ATP12A: variants seen among roughly 807,000 people sequenced by gnomAD.
ATP12A encodes potassium-transporting ATPase alpha chain 2.
In ATP12A, 81 loss-of-function variants were observed where a neutral mutation model predicts 111.2. The ratio of observed to expected loss-of-function variants is 0.73; its 90% CI spans 0.61 to 0.88. ATP12A has a LOEUF of 0.88. Ranked by LOEUF, ATP12A falls within the 40% of genes least tolerant of loss-of-function variation. The pLI is 0.00. For missense variants in ATP12A, 1,196 were observed against 1,313.1 expected, an observed-to-expected ratio of 0.91 and a Z score of 1.38; for synonymous variants, 498 against 499.8, an observed-to-expected ratio of 1.00 and a Z score of 0.05.
chr13:24,701,131 A>G (rs2137712287), intron 13 of ATP12A, among the ~76,000 whole-genome samples: 1 of 152,358 alleles, frequency 6.6e-6, no homozygotes, highest in South Asian at 2.1e-4. Flanking sequence ...CCACATAAAC[A>G]GTAAATGCAA....
chr13:24,708,886 GAGAAAGAA>G (rs200280838), intron 17 of ATP12A, among the ~76,000 whole-genome samples: 2 of 92,398 alleles, frequency 2.2e-5, no homozygotes, highest in South Asian at 3.1e-4. Flanking sequence ...GAGAGAGAAA[GAGAAAGAA>G]AGAAAGGAAA....
chr13:24,701,224 G>A (rs111326521), intron 13 of ATP12A, among the ~76,000 whole-genome samples: 10 of 152,228 alleles, frequency 6.6e-5, no homozygotes, highest in African/African-American at 1.2e-4. Flanking sequence ...TTGGCTGGGC[G>A]CAGTGGCTCA....
At chr13:24,696,950 A>C (rs1160159370) in intron 11 of ATP12A, among the ~76,000 whole-genome samples, 1 of 152,234 alleles carries the variant, frequency 6.6e-6, no homozygotes, top group Non-Finnish European at 1.5e-5. Flanking sequence ...GTGATGCCCC[A>C]AACACACTGG....
chr13:24,695,013 G>A (rs1242929721), intron 11 of ATP12A, among the ~76,000 whole-genome samples: 2 of 152,162 alleles, frequency 1.3e-5, no homozygotes, highest in East Asian at 1.9e-4. Context: ...TCAGGCCCTC[G>A]ACCTACGTGG....
rs965628973 is a variant in ATP12A, at chr13:24,712,456, G to T, written c.*934G>T. On this transcript the variant is annotated 3_prime_UTR_variant, in exon 23 of 23. Coordinates refer to ENST00000381946, the MANE Select transcript of ATP12A (RefSeq NM_001676.7). Reference sequence around the variant, plus strand: ...GGAAAGGCCTCATTTTTAACTAAAAGATGTTTTATAAACCCAGGTTTAATT... The same window carrying T: ...GGAAAGGCCTCATTTTTAACTAAAATATGTTTTATAAACCCAGGTTTAATT... The T allele has an allele frequency of 6.6e-6, 1 of 152,178 alleles. No individual in the cohort carries two copies. Among genetic ancestry groups the T allele is most frequent in the East Asian group, 1.9e-4 (1 of 5,200 alleles). The allele number at this position is 152,178 out of a possible 1,614,324, so 9.4% of individuals were successfully genotyped here. A position where few individuals can be genotyped will look rare whatever the true frequency, so the allele number is the denominator to read the frequency against.
rs1195433812 is a variant in ATP12A at position 24,712,363 on chromosome 13, T to G, written c.*841T>G. 1 of 152,230 alleles carries G rather than the reference T, an allele frequency of 6.6e-6. No individual in the cohort carries two copies. The highest frequency in any genetic ancestry group is 1.5e-5 in the Non-Finnish European group (1 of 68,032). 9.4% of individuals were successfully genotyped at this position (152,230 alleles called of 1,614,324 possible). On this transcript the variant is annotated 3_prime_UTR_variant, in exon 23 of 23. Coordinates refer to ENST00000381946, the MANE Select transcript of ATP12A (RefSeq NM_001676.7). ...GCCAGGTGCTCTCCAGCAATAACGT[T>G]TTGTCAGTCATGTTTCATGTTTTAA... is the stretch of plus-strand genomic sequence containing the variant.
chr13:24,682,144 G>T (rs1249757030), intron 2 of ATP12A, among the ~76,000 whole-genome samples: 12,188 of 118,806 alleles, frequency 0.1, 1,103 homozygotes, highest in South Asian at 0.13. Context: ...GTGTATATGT[G>T]TGTGGTGTGT....
At chr13:24,693,660 C>A (rs1371425121) in intron 10 of ATP12A, among the ~76,000 whole-genome samples, 1 of 152,240 alleles carries the variant, frequency 6.6e-6, no homozygotes, top group Non-Finnish European at 1.5e-5. Flanking sequence ...CACCCGTACC[C>A]AGCCTGGCTG....
intron 15 of ATP12A, among the ~76,000 whole-genome samples, chr13:24,706,807 G>T (rs942209443): frequency 6.6e-6 from 1 of 152,194 alleles, no homozygotes; most frequent in Non-Finnish European, 1.5e-5. Flanking sequence ...AGACACCTGC[G>T]CATTAGGTTT....
At chr13:24,707,231 G>A in intron 16 of ATP12A, 40 bp downstream of exon 16, 1 of 1,613,656 alleles carries the variant, frequency 6.2e-7, no homozygotes, top group South Asian at 1.1e-5. Context: ...GGCCAGGGTG[G>A]TCTGGGGGAC....
intron 10 of ATP12A, among the ~76,000 whole-genome samples, chr13:24,693,589 G>A (rs1007461316): frequency 3.9e-5 from 6 of 152,128 alleles, no homozygotes; most frequent in South Asian, 2.1e-4. Flanking sequence ...ACTCCAACCC[G>A]AATCTCTGGC....
Position 24,691,208 on chromosome 13 carries a change from C to T in ATP12A, c.1026C>T (p.Ile342=), listed in dbSNP as rs138150719. The change falls in exon 8 of 23, where the codon ATC becomes ATT. Residue 342 remains isoleucine (I), a synonymous_variant. Transcript: ENST00000381946. ...ACTCCATCATCTTCCTCATTGGCAT[C>T]ATTGTGGCCAATGTGCCCGAGGGCC... The part of the protein sequence containing the change: ...VLDSIIFLIG[I]IVANVPEGLL... The T allele has an allele frequency of 1.2e-6, 2 of 1,613,926 alleles. No homozygotes were observed. Among genetic ancestry groups the T allele is most frequent in the East Asian group, 2.2e-5 (1 of 44,878 alleles).
chr13:24,699,829 G>A (rs1258117818), intron 12 of ATP12A, among the ~76,000 whole-genome samples: 1 of 152,164 alleles, frequency 6.6e-6, no homozygotes, highest in Non-Finnish European at 1.5e-5. Flanking sequence ...TATGGTTGAC[G>A]ATCCGGCTCA....
In ATP12A at chr13:24,681,793, C is replaced by T. The variant is rs893097561; in HGVS notation, c.168+73C>T. 3.8e-6 allele frequency: 6 copies of T among 1,560,290 alleles called. No individual in the cohort carries two copies. The Admixed American group carries it at 1.1e-4, about 29-fold the overall frequency. ...GCAAGAGCTTGCCCCTAGAACCCAC[C>T]TCTTACCACAGACATTCAGTCTGAG... On this transcript the variant is annotated intron_variant, in intron 2 of 22. Transcript: ENST00000381946.
chr13:24,691,357 G>C (rs12871180), intron 8 of ATP12A, 107 bp downstream of exon 8: 2 of 1,333,344 alleles, frequency 1.5e-6, no homozygotes, highest in Non-Finnish European at 1.0e-6. Context: ...AGAGCACCAC[G>C]CCCTCCCCGC....
intron 17 of ATP12A, among the ~76,000 whole-genome samples, chr13:24,708,227 C>T (rs1290822748): frequency 6.6e-6 from 1 of 152,172 alleles, no homozygotes; most frequent in African/African-American, 2.4e-5. Flanking sequence ...ACAGTAATGT[C>T]ACCTAAACCT....
At chr13:24,708,613 C>T (rs936236310) in intron 17 of ATP12A, among the ~76,000 whole-genome samples, 7 of 152,086 alleles carry the variant, frequency 4.6e-5, no homozygotes, top group African/African-American at 1.7e-4. Context: ...CACTGGTGGA[C>T]ACCTGTAGCC....
chr13:24,700,528 A>C (rs551065057), intron 12 of ATP12A, among the ~76,000 whole-genome samples: 5 of 152,256 alleles, frequency 3.3e-5, no homozygotes, highest in African/African-American at 7.2e-5. Flanking sequence ...ATATATTTCT[A>C]GAACACAGAG....
chr13:24,709,859 A>C (rs1192435495), intron 19 of ATP12A, 31 bp downstream of exon 19: 1 of 1,611,306 alleles, frequency 6.2e-7, no homozygotes, highest in East Asian at 2.2e-5. Context: ...TGCAGAGTCC[A>C]CCTGATTCTC....
Sources: allele counts gnomAD v4.1 joint callset (sites outside exome capture counted in the v4.1 genomes callset), GRCh38; gene constraint gnomAD v4.1.1; transcripts MANE v1.5; gene names NCBI Gene and HGNC (gene_info 2026-07-23, HGNC 2026-07-21).